MACROD2: variants seen among roughly 807,000 people sequenced by gnomAD.
MACROD2 encodes the protein mono-ADP ribosylhydrolase 2.
In MACROD2, 36 loss-of-function variants were observed where a neutral mutation model predicts 70.4. The ratio of observed to expected loss-of-function variants is 0.51; its 90% CI spans 0.39 to 0.68. MACROD2 has a LOEUF of 0.68. MACROD2 is among the 30% of genes least tolerant of loss of function. The probability of loss-of-function intolerance (pLI) is 0.00; values close to 1 mark genes in which losing one functional copy is unlikely to be tolerated. For synonymous variants in MACROD2, 172 were observed against 178.8 expected, an observed-to-expected ratio of 0.96 and a Z score of 0.30; for missense variants, 496 against 538.4, an observed-to-expected ratio of 0.92 and a Z score of 0.78.
At chr20:14,091,600 C>T (rs753198426) in intron 3 of MACROD2, among the ~76,000 whole-genome samples, 13 of 151,962 alleles carry the variant, frequency 8.6e-5, no homozygotes, top group Non-Finnish European at 1.9e-4. Flanking sequence ...ACCTCATAAA[C>T]GTATACAATG....
intron 5 of MACROD2, among the ~76,000 whole-genome samples, chr20:14,767,681 T>C (rs1025168151): frequency 6.6e-6 from 1 of 151,956 alleles, no homozygotes; most frequent in Non-Finnish European, 1.5e-5. Flanking sequence ...GGAGTACATA[T>C]GCAGAACCTG....
At chr20:15,268,098 T>C (rs775494701) in intron 6 of MACROD2, among the ~76,000 whole-genome samples, 2 of 152,082 alleles carry the variant, frequency 1.3e-5, no homozygotes, top group Admixed American at 6.6e-5. Flanking sequence ...ATCAGAATAA[T>C]ATATATTCAA....
intron 3 of MACROD2, among the ~76,000 whole-genome samples, chr20:14,308,738 G>A (rs984893260): frequency 6.6e-6 from 1 of 151,994 alleles, no homozygotes; most frequent in Admixed American, 6.6e-5. Flanking sequence ...GTCCCTTTTT[G>A]AATTCATAGA....
intron 4 of MACROD2, among the ~76,000 whole-genome samples, chr20:14,577,225 T>A (rs1980657717): frequency 6.6e-6 from 1 of 152,230 alleles, no homozygotes; most frequent in African/African-American, 2.4e-5. Context: ...TTTAAAATTC[T>A]AAAATGCTAT....
intron 3 of MACROD2, among the ~76,000 whole-genome samples, chr20:14,194,111 A>G (rs1287094422): frequency 6.6e-6 from 1 of 152,174 alleles, no homozygotes; most frequent in Non-Finnish European, 1.5e-5. Context: ...GGTGGGGAAT[A>G]GGTACCTACT....
intron 5 of MACROD2, among the ~76,000 whole-genome samples, chr20:14,701,976 C>T (rs2071201697): frequency 6.6e-6 from 1 of 152,102 alleles, no homozygotes; most frequent in Non-Finnish European, 1.5e-5. Context: ...AAGGGTAGAG[C>T]AAGGATTCAA....
At chr20:15,618,826 G>A (rs937086676) in intron 8 of MACROD2, among the ~76,000 whole-genome samples, 1 of 152,186 alleles carries the variant, frequency 6.6e-6, no homozygotes, top group Admixed American at 6.5e-5. Context: ...AACAGAGAAA[G>A]AGTAAAATTC....
chr20:15,802,509 A>C (rs910328690), intron 8 of MACROD2, among the ~76,000 whole-genome samples: 1 of 152,108 alleles, frequency 6.6e-6, no homozygotes, highest in Non-Finnish European at 1.5e-5. Flanking sequence ...GTGTATGTTG[A>C]ACTGTCCTTG....
chr20:14,794,952 G>C (rs2072494016), intron 5 of MACROD2, among the ~76,000 whole-genome samples: 1 of 152,092 alleles, frequency 6.6e-6, no homozygotes, highest in African/African-American at 2.4e-5. Context: ...TGCTATTTAA[G>C]ATGAGAACTG....
intron 8 of MACROD2, among the ~76,000 whole-genome samples, chr20:15,578,188 A>C (rs556631527): frequency 5.9e-5 from 9 of 152,284 alleles, no homozygotes; most frequent in African/African-American, 1.9e-4. Context: ...AGGTAAATAG[A>C]CACAATATTT....
At position 14,390,608 on chromosome 20, in the gene MACROD2, A is replaced by C. The variant is rs551270825; in HGVS notation, c.272-102871A>C. Among the ~76,000 whole-genome samples, 23 of 152,332 alleles carry C rather than the reference A, an allele frequency of 1.5e-4. 1 individual carries two copies. Among genetic ancestry groups the C allele is most frequent in the African/African-American group, 5.3e-4 (22 of 41,580 alleles). ...AAGACCACACACCTTTAACTATCTG[A>C]TCTTCTACAACCTGACAGAAATAAA... is the stretch of plus-strand genomic sequence containing the variant. On this transcript the variant is annotated intron_variant, in intron 3 of 17. Coordinates refer to ENST00000684519, the MANE Select transcript of MACROD2 (RefSeq NM_001351661.2).
At chr20:15,910,699 C>T (rs574398217) in intron 10 of MACROD2, among the ~76,000 whole-genome samples, 8 of 152,170 alleles carry the variant, frequency 5.3e-5, no homozygotes, top group South Asian at 4.2e-4. Flanking sequence ...CGTCGGTCCA[C>T]GAATGTTTTT....
intron 8 of MACROD2, among the ~76,000 whole-genome samples, chr20:15,810,329 G>A (rs1389964421): frequency 2.6e-5 from 4 of 151,678 alleles, no homozygotes; most frequent in African/African-American, 9.7e-5. Context: ...AAACATACAT[G>A]TGCATGTGTC....
chr20:14,831,780 CA>C (rs71190151), intron 5 of MACROD2, among the ~76,000 whole-genome samples: 1,276 of 37,082 alleles, frequency 0.034, 5 homozygotes, highest in East Asian at 0.11. Context: ...AACTCCGTCT[CA>C]AAAAAAAAAA....
chr20:15,182,898 C>A (rs1348655974), intron 5 of MACROD2, among the ~76,000 whole-genome samples: 1 of 152,158 alleles, frequency 6.6e-6, no homozygotes, highest in Non-Finnish European at 1.5e-5. Context: ...AGACAGGTAC[C>A]TGCAGGTAAA....
intron 3 of MACROD2, among the ~76,000 whole-genome samples, chr20:14,476,416 C>T (rs1165932029): frequency 2.6e-5 from 4 of 152,148 alleles, no homozygotes; most frequent in South Asian, 2.1e-4. Flanking sequence ...AGTACAGTGG[C>T]GCAATCTCAG....
intron 8 of MACROD2, among the ~76,000 whole-genome samples, chr20:15,522,336 T>C (rs1046589086): frequency 1.3e-5 from 2 of 152,200 alleles, no homozygotes; most frequent in East Asian, 3.9e-4. Flanking sequence ...CTCATAGATA[T>C]CTTTTGAAAA....
intron 8 of MACROD2, among the ~76,000 whole-genome samples, chr20:15,768,073 T>C (rs1018495259): frequency 5.9e-5 from 9 of 151,926 alleles, no homozygotes; most frequent in Admixed American, 1.3e-4. Flanking sequence ...AAAAGATATA[T>C]GTATATAGCA....
At chr20:15,809,907 A>C (rs1360156921) in intron 8 of MACROD2, among the ~76,000 whole-genome samples, 1 of 147,180 alleles carries the variant, frequency 6.8e-6, no homozygotes, top group East Asian at 2.0e-4. Flanking sequence ...GTACATGTGC[A>C]CAACGTGCAG....
Sources: gnomAD v4.1 joint callset for allele counts (sites outside exome capture counted in the v4.1 genomes callset) on GRCh38, gnomAD v4.1.1 for gene constraint, MANE v1.5 for transcripts, NCBI Gene and HGNC (gene_info 2026-07-23, HGNC 2026-07-21) for gene names.